RBL1: variants seen among roughly 807,000 people sequenced by gnomAD.
RBL1 encodes RB transcriptional corepressor like 1, also known as retinoblastoma-like protein 1.
In RBL1, 82 loss-of-function variants were observed where a neutral mutation model predicts 123.0. The ratio of observed to expected loss-of-function variants is 0.67; its 90% confidence interval spans 0.56 to 0.80. The LOEUF (loss-of-function observed/expected upper bound fraction) is 0.80. RBL1 is among the 30% of genes least tolerant of loss of function. The probability of loss-of-function intolerance (pLI) is 0.00; values close to 1 mark genes in which losing one functional copy is unlikely to be tolerated. For synonymous variants in RBL1, 405 were observed against 441.3 expected (o/e 0.92, Z 1.03); for missense variants, 1,171 against 1,299.6 (o/e 0.90, Z 1.52).
intron 17 of RBL1, among the ~76,000 whole-genome samples, chr20:37,022,303 G>A (rs2064353484): frequency 6.6e-6 from 1 of 152,138 alleles, no homozygotes; most frequent in African/African-American, 2.4e-5. Context: ...TAAATCACGA[G>A]AAAGCAATAT....
At chr20:37,085,133 T>TTCTTTTCTTTTC (rs2065519698) in intron 2 of RBL1, among the ~76,000 whole-genome samples, 1 of 135,574 alleles carries the variant, frequency 7.4e-6, no homozygotes, top group South Asian at 2.3e-4. Context: ...TTTTCTTTTC[T>TTCTTTTCTTTTC]TTTTTTTTTT....
intron 21 of RBL1, among the ~76,000 whole-genome samples, chr20:36,999,381 C>T (rs2063926185): frequency 6.6e-6 from 1 of 151,980 alleles, no homozygotes; most frequent in African/African-American, 2.4e-5. Flanking sequence ...AGAGTGAGAC[C>T]TTGTCTCAAA....
chr20:37,023,777 A>ATT (rs11371156), intron 16 of RBL1, among the ~76,000 whole-genome samples: 2,139 of 125,434 alleles, frequency 0.017, 82 homozygotes, highest in East Asian at 0.023. Context: ...TATTCAAACT[A>ATT]TTTTTTTTTT....
At chr20:37,007,343 C>T (rs955018418) in intron 20 of RBL1, 68 bp downstream of exon 20, 2 of 1,526,416 alleles carry the variant, frequency 1.3e-6, no homozygotes, top group Non-Finnish European at 1.8e-6. Flanking sequence ...ATTTATCTAG[C>T]AAAATAAACT....
At chr20:37,086,779 G>A (rs1054657974) in intron 2 of RBL1, among the ~76,000 whole-genome samples, 10 of 152,144 alleles carry the variant, frequency 6.6e-5, no homozygotes, top group African/African-American at 2.4e-4. Context: ...TGATACTAGA[G>A]TAAGTAAAAG....
chr20:36,998,587 T>C lies in RBL1; in HGVS notation c.*172A>G. 1.7e-6 allele frequency: 1 copy of C among 593,160 alleles called. No homozygotes were observed. The highest frequency in any genetic ancestry group is 2.8e-6 in the Non-Finnish European group (1 of 352,556). 36.7% of individuals were successfully genotyped at this position (593,160 alleles called of 1,614,324 possible). ...TTTCCAATCCAACTCAAAATACATCTCTGTCAACTACATTTTGGATAAATA... is the reference window on the plus strand; with the variant it reads ...TTTCCAATCCAACTCAAAATACATCCCTGTCAACTACATTTTGGATAAATA... On this transcript the variant is annotated 3_prime_UTR_variant, in exon 22 of 22. Coordinates refer to ENST00000373664, the MANE Select transcript of RBL1 (RefSeq NM_002895.5).
chr20:37,015,362 TAGGAA>T (rs1277992929), intron 19 of RBL1, among the ~76,000 whole-genome samples: 1 of 151,588 alleles, frequency 6.6e-6, no homozygotes, highest in Non-Finnish European at 1.5e-5. Flanking sequence ...TCTGGTTTTG[TAGGAA>T]CAGAAAAACC....
chr20:37,000,270 G>A (rs2063946631), intron 21 of RBL1, among the ~76,000 whole-genome samples: 1 of 149,392 alleles, frequency 6.7e-6, no homozygotes, highest in Non-Finnish European at 1.5e-5. Context: ...CACTCCGTCT[G>A]GGAAGTGAGG....
In RBL1 at chr20:37,047,163, G is replaced by A. The variant is rs527246162; in HGVS notation, c.1495C>T (p.Arg499Cys). Residue 499 changes from arginine (R) to cysteine (C), a missense_variant, in exon 12 of 22, where the codon CGT (arginine) becomes TGT (cysteine). Arg to Cys is a radical substitution (Grantham distance 180). Coordinates refer to ENST00000373664, the MANE Select transcript of RBL1 (RefSeq NM_002895.5). ...SVLLEQDIFH[R>C]SLMACCLEIV... The stretch of plus-strand genomic sequence containing the variant: ...TCCAAACAACAAGCCATCAAGGAAC[G>A]ATGAAATATATCTTGCTCTAAAAGA... 6.4e-5 allele frequency: 102 copies of A among 1,602,780 alleles called. 1 individual carries two copies. In the Admixed American group the frequency reaches 1.4e-3, roughly 22 times the overall value.
In RBL1 at chr20:37,089,042, G is replaced by A. The variant is rs141567792; in HGVS notation, c.237C>T (p.Ile79=). The change falls in exon 2 of 22, where the codon ATC becomes ATT. Residue 79 remains isoleucine (I), a synonymous_variant. Transcript: ENST00000373664. The part of the protein sequence containing the change: ...KSIIPTVGKG[I]MEGNCVSLTR... ...TAAGTGAAACACAGTTGCCTTCCAT[G>A]ATACCCTTTCCAACCGTGGGAATAA... 233 of 1,612,668 alleles carry A rather than the reference G, an allele frequency of 1.4e-4. 1 individual carries two copies. The African/African-American group carries it at 2.7e-3, about 19-fold the overall frequency.
intron 18 of RBL1, among the ~76,000 whole-genome samples, chr20:37,018,651 A>G (rs977374606): frequency 5.3e-5 from 8 of 152,144 alleles, no homozygotes; most frequent in African/African-American, 1.9e-4. Context: ...AATGAAAGCA[A>G]CTTTAAAGAC....
intron 2 of RBL1, among the ~76,000 whole-genome samples, chr20:37,080,697 G>A (rs1224816235): frequency 6.6e-6 from 1 of 152,062 alleles, no homozygotes; most frequent in Admixed American, 6.6e-5. Context: ...GACCTCAATA[G>A]ATCCACCCGC....
intron 8 of RBL1, 99 bp downstream of exon 8, chr20:37,061,985 A>T: frequency 1.5e-6 from 2 of 1,296,290 alleles, no homozygotes; most frequent in Non-Finnish European, 2.1e-6. Flanking sequence ...TAGTAGAAGA[A>T]GCTCAAGATT....
At chr20:37,015,849 C>T (rs1481318732) in intron 19 of RBL1, among the ~76,000 whole-genome samples, 1 of 151,804 alleles carries the variant, frequency 6.6e-6, no homozygotes, top group Non-Finnish European at 1.5e-5. Context: ...CCTCAGCCTC[C>T]TGAGTAGCTG....
intron 21 of RBL1, 100 bp from the exon 22 acceptor site, chr20:36,999,029 C>T: frequency 1.8e-6 from 2 of 1,094,610 alleles, no homozygotes; most frequent in Non-Finnish European, 2.6e-6. Context: ...ATCCTCTATC[C>T]AAATCTTAAC....
chr20:37,000,938 A>G (rs2063965967), intron 21 of RBL1, among the ~76,000 whole-genome samples: 1 of 137,766 alleles, frequency 7.3e-6, no homozygotes, highest in African/African-American at 2.8e-5. Context: ...CCCATCCGGG[A>G]GGTGAGGGGC....
chr20:37,066,622 C>A, intron 6 of RBL1, 102 bp downstream of exon 6: 1 of 1,069,798 alleles, frequency 9.3e-7, no homozygotes, highest in Non-Finnish European at 1.4e-6. Flanking sequence ...GGAATCCTGA[C>A]CCTAAGTTCT....
chr20:37,082,538 T>A (rs770335952), intron 2 of RBL1, among the ~76,000 whole-genome samples: 15 of 151,972 alleles, frequency 9.9e-5, no homozygotes, highest in Non-Finnish European at 1.6e-4. Context: ...TATCTGTGAG[T>A]TCCACATCCA....
At chr20:37,081,799 A>G in intron 2 of RBL1, 1 of 331,614 alleles carries the variant, frequency 3.0e-6, no homozygotes, top group Non-Finnish European at 6.0e-6. Context: ...CTTTAATTCC[A>G]GCTCCATCAA....
Sources: allele counts gnomAD v4.1 joint callset (sites outside exome capture counted in the v4.1 genomes callset), GRCh38; gene constraint gnomAD v4.1.1; transcripts MANE v1.5; gene names NCBI Gene and HGNC (gene_info 2026-07-23, HGNC 2026-07-21).